The following ADAM20 variants were observed in gnomAD, a reference collection of about 807,000 sequenced individuals.
ADAM20 encodes the protein disintegrin and metalloproteinase domain-containing protein 20.
For synonymous variants in ADAM20, 305 were observed against 310.2 expected (o/e 0.98, Z 0.18); for missense variants, 871 against 883.2 (o/e 0.99, Z 0.18).
the ADAM20 span, among the ~76,000 whole-genome samples, chr14:70,545,413 G>T: frequency 6.6e-6 from 1 of 152,094 alleles, no homozygotes. Flanking sequence ...AGCAGAACTG[G>T]GCTGTGCTCA....
chr14:70,564,736 ATTTTTTTTT>A, the ADAM20 span, among the ~76,000 whole-genome samples: 10 of 91,872 alleles, frequency 1.1e-4, no homozygotes, highest in South Asian at 1.3e-3. Context: ...GATAGACGCA[ATTTTTTTTT>A]TTTTTTTTTT....
chr14:70,522,526 G>GAT lies in ADAM20; in HGVS notation c.*49_*50dup. ...TTCATATTTTTCTATTAAAAAATTG[G>GAT]ATATTAAAAATGAAGTATAAAGTTT... is the stretch of plus-strand genomic sequence containing the variant. On this transcript the variant is annotated 3_prime_UTR_variant, in exon 2 of 2. Transcript: ENST00000256389. 7.0e-7 allele frequency: 1 copy of GAT among 1,436,398 alleles called. No homozygotes were observed. Among genetic ancestry groups the GAT allele is most frequent in the Non-Finnish European group, 9.2e-7 (1 of 1,085,122 alleles). The allele number at this position is 1,436,398 out of a possible 1,614,324, so 89.0% of individuals were successfully genotyped here. A position where few individuals can be genotyped will look rare whatever the true frequency, so the allele number is the denominator to read the frequency against.
rs45554935 is a variant in ADAM20, at chr14:70,523,247, T to C, written c.1511A>G (p.Tyr504Cys). Residue 504 changes from tyrosine to cysteine, a missense_variant, in exon 2 of 2, where the codon TAT (tyrosine) becomes TGT (cysteine). Physicochemically the swap from Tyr to Cys is radical, Grantham distance 194. Transcript: ENST00000256389. ...GISCNVNAFC[Y>C]EKTCNNHDIQ... ...ATCATGGTTATTACACGTCTTTTCA[T>C]AGCAGAAGGCATTCACATTACAGGA... is the stretch of plus-strand genomic sequence containing the variant. 2.4e-3 allele frequency: 3,924 copies of C among 1,614,046 alleles called. 7 individuals carry two copies. Among genetic ancestry groups the C allele is most frequent in the Non-Finnish European group, 3.0e-3 (3,534 of 1,179,950 alleles).
At chr14:70,539,409 C>T (rs1056092263), upstream of ADAM20, among the ~76,000 whole-genome samples, 6 of 152,276 alleles carry the variant, frequency 3.9e-5, no homozygotes, top group East Asian at 5.8e-4. Flanking sequence ...GAATGGAATG[C>T]GACCCTTGTG....
chr14:70,547,506 C>A, the ADAM20 span: 2 of 129,830 alleles, frequency 1.5e-5, no homozygotes, highest in Non-Finnish European at 3.3e-5. Context: ...CGCAAGGGGT[C>A]AGGGAGTTCC....
At chr14:70,544,875 A>C in the ADAM20 span, among the ~76,000 whole-genome samples, 19 of 152,154 alleles carry the variant, frequency 1.2e-4, no homozygotes, top group Admixed American at 6.5e-4. Context: ...ATTTTTAAAA[A>C]ATATTTAAAA....
the ADAM20 span, among the ~76,000 whole-genome samples, chr14:70,562,676 T>C: frequency 3.3e-5 from 5 of 152,162 alleles, no homozygotes; most frequent in East Asian, 1.9e-4. Context: ...TTTAACAGTG[T>C]GTAGCACTTC....
chr14:70,570,727 G>A, the ADAM20 span, among the ~76,000 whole-genome samples: 4 of 151,934 alleles, frequency 2.6e-5, no homozygotes, highest in Admixed American at 6.6e-5. Flanking sequence ...AACTGTTATA[G>A]GAAATCAAGG....
chr14:70,524,983 G>A, intron 1 of ADAM20, 50 bp from the exon 2 acceptor site: 1 of 1,439,512 alleles, frequency 6.9e-7, no homozygotes, highest in Admixed American at 2.3e-5. Context: ...GAAAGAGAGA[G>A]AGAAAAAAGG....
chr14:70,555,038 C>T, the ADAM20 span, among the ~76,000 whole-genome samples: 1 of 152,120 alleles, frequency 6.6e-6, no homozygotes, highest in African/African-American at 2.4e-5. Context: ...AGTGAAGTTA[C>T]GAAGTCATTT....
the ADAM20 span, chr14:70,556,673 A>G: frequency 6.6e-6 from 1 of 152,192 alleles, no homozygotes; most frequent in Non-Finnish European, 1.5e-5. Context: ...CTCATGTGCG[A>G]TTTTTTCAAT....
At chr14:70,538,186 C>T (rs1309275563), upstream of ADAM20, among the ~76,000 whole-genome samples, 1 of 152,120 alleles carries the variant, frequency 6.6e-6, no homozygotes, top group Non-Finnish European at 1.5e-5. Flanking sequence ...CACTCCTCCT[C>T]CTTCTCCACC....
chr14:70,536,822 CAG>C (rs1391232400), upstream of ADAM20, among the ~76,000 whole-genome samples: 1 of 151,832 alleles, frequency 6.6e-6, no homozygotes, highest in African/African-American at 2.4e-5. Context: ...CCCCTCCAGC[CAG>C]AGACATTCCA....
chr14:70,545,487 A>G, the ADAM20 span, among the ~76,000 whole-genome samples: 65 of 152,012 alleles, frequency 4.3e-4, no homozygotes, highest in African/African-American at 1.6e-3. Context: ...TACTTCACCT[A>G]TAAAGACACA....
the ADAM20 span, among the ~76,000 whole-genome samples, chr14:70,543,587 C>A: frequency 6.6e-6 from 1 of 152,140 alleles, no homozygotes; most frequent in Admixed American, 6.5e-5. Flanking sequence ...GGTTTGGGAA[C>A]AAAATAATAG....
upstream of ADAM20, among the ~76,000 whole-genome samples, chr14:70,536,507 G>C (rs1478669220): frequency 9.0e-6 from 1 of 111,054 alleles, no homozygotes; most frequent in Non-Finnish European, 2.0e-5. Flanking sequence ...GAATTGCACA[G>C]TGTATGTCCC....
chr14:70,543,155 T>A, the ADAM20 span, among the ~76,000 whole-genome samples: 10 of 152,252 alleles, frequency 6.6e-5, no homozygotes, highest in Non-Finnish European at 1.5e-4. Context: ...TATTTTCTAC[T>A]GTTTAAATTA....
chr14:70,562,808 T>C, the ADAM20 span, among the ~76,000 whole-genome samples: 4 of 152,224 alleles, frequency 2.6e-5, no homozygotes, highest in Non-Finnish European at 5.9e-5. Context: ...CCTGTGGAAC[T>C]GTGAGTCAAT....
the ADAM20 span, among the ~76,000 whole-genome samples, chr14:70,554,296 G>T: frequency 6.6e-6 from 1 of 152,260 alleles, no homozygotes; most frequent in Non-Finnish European, 1.5e-5. Context: ...AATTGGCATG[G>T]CCATTATGGA....
Sources: allele counts gnomAD v4.1 joint callset (sites outside exome capture counted in the v4.1 genomes callset), GRCh38; gene constraint gnomAD v4.1.1; transcripts MANE v1.5; gene names NCBI Gene and HGNC (gene_info 2026-07-23, HGNC 2026-07-21).